The following PRIMA1 variants were observed in gnomAD, a reference collection of about 807,000 sequenced individuals.
The protein encoded by PRIMA1 is proline-rich membrane anchor 1.
PRIMA1 carries 7 observed loss-of-function variants against 17.5 expected under a neutral mutation model. The observed-to-expected ratio is 0.40, with a 90% confidence interval of 0.23 to 0.75. The LOEUF (loss-of-function observed/expected upper bound fraction) is 0.75, where lower values mean the gene tolerates loss of function less well. Among genes scored for constraint, PRIMA1 ranks in the 30% least tolerant of loss-of-function variants. The pLI, the probability that PRIMA1 is intolerant of heterozygous loss-of-function variation, is 0.37. For synonymous variants in PRIMA1, 97 were observed against 77.9 expected (o/e 1.25, Z -1.29); for missense variants, 200 against 201.8 (o/e 0.99, Z 0.05).
At chr14:93,766,705 G>T (rs1184988964) in intron 3 of PRIMA1, among the ~76,000 whole-genome samples, 4 of 151,622 alleles carry the variant, frequency 2.6e-5, no homozygotes, top group African/African-American at 7.3e-5. Context: ...AGGTGAATGA[G>T]TCCACTTATA....
chr14:93,751,639 C>A (rs2076260051), intron 3 of PRIMA1, among the ~76,000 whole-genome samples: 1 of 152,126 alleles, frequency 6.6e-6, no homozygotes, highest in Admixed American at 6.5e-5. Flanking sequence ...GAGCCTAAGT[C>A]CTGTTTAAAA....
intron 3 of PRIMA1, among the ~76,000 whole-genome samples, chr14:93,739,515 GGTGT>G (rs1454683548): frequency 1.3e-5 from 2 of 152,190 alleles, no homozygotes; most frequent in Non-Finnish European, 2.9e-5. Context: ...TGGGTTGTGT[GGTGT>G]GTGTATGATA....
At chr14:93,757,656 C>T (rs1315535600) in intron 3 of PRIMA1, among the ~76,000 whole-genome samples, 1 of 150,930 alleles carries the variant, frequency 6.6e-6, no homozygotes. Context: ...GTCGTTCAAG[C>T]TCTCTGAGTC....
chr14:93,759,743 G>A (rs555996381), intron 3 of PRIMA1, among the ~76,000 whole-genome samples: 2 of 152,202 alleles, frequency 1.3e-5, no homozygotes, highest in African/African-American at 4.8e-5. Flanking sequence ...GAGTGAGAAG[G>A]CAAGTGGCAG....
At chr14:93,754,756 C>T (rs2076280705) in intron 3 of PRIMA1, among the ~76,000 whole-genome samples, 1 of 152,168 alleles carries the variant, frequency 6.6e-6, no homozygotes, top group African/African-American at 2.4e-5. Context: ...CAGTCACTGC[C>T]ACCCACTCTT....
chr14:93,788,730 G>C (rs1885606983), upstream of PRIMA1, among the ~76,000 whole-genome samples: 1 of 151,982 alleles, frequency 6.6e-6, no homozygotes, highest in South Asian at 2.1e-4. Flanking sequence ...ACTGCGCCTA[G>C]CCGCGCGCGG....
In PRIMA1 at chr14:93,721,170, C is replaced by G; in HGVS notation, c.*274G>C. 2.2e-6 allele frequency: 1 copy of G among 445,454 alleles called. No individual in the cohort carries two copies. The allele number at this position is 445,454 out of a possible 1,614,324, so 27.6% of individuals were successfully genotyped here. A position where few individuals can be genotyped will look rare whatever the true frequency, so the allele number is the denominator to read the frequency against. ...CAGCAGCTGGGGGCAGTCGACAGAC[C>G]AGACACCAGACAGGGAGGAGGATGT... is the stretch of plus-strand genomic sequence containing the variant. On this transcript the variant is annotated 3_prime_UTR_variant, in exon 5 of 5. Transcript: ENST00000393140.
chr14:93,774,298 G>A (rs1054376389), intron 3 of PRIMA1, among the ~76,000 whole-genome samples: 16 of 152,260 alleles, frequency 1.1e-4, no homozygotes, highest in South Asian at 4.1e-4. Context: ...AGAGAGGCCC[G>A]GGCCAGCCAG....
chr14:93,762,844 C>A (rs1023557775), intron 3 of PRIMA1, among the ~76,000 whole-genome samples: 1 of 152,206 alleles, frequency 6.6e-6, no homozygotes, highest in African/African-American at 2.4e-5. Context: ...CACCCAACTT[C>A]ACTCCAGGCA....
chr14:93,746,530 G>A (rs531614039), intron 3 of PRIMA1, among the ~76,000 whole-genome samples: 2 of 152,036 alleles, frequency 1.3e-5, no homozygotes, highest in Admixed American at 6.5e-5. Flanking sequence ...AGAGGGAGTC[G>A]CGAGGGGAGA....
chr14:93,734,079 C>T (rs936091432), intron 4 of PRIMA1, among the ~76,000 whole-genome samples: 15 of 152,216 alleles, frequency 9.9e-5, no homozygotes, highest in African/African-American at 3.6e-4. Flanking sequence ...CATTAAATAT[C>T]TGTCTGCTGC....
Position 93,737,348 on chromosome 14 carries a change from G to A in PRIMA1, c.252C>T (p.Pro84=), listed in dbSNP as rs140716518. ...GCCCCGACCACCAGCTTTCCTCAGT[G>A]GGGCAAGAGGTAGAGTTGGGAGCTG... is the stretch of plus-strand genomic sequence containing the variant. ...SAPAPNSTSC[P]TEESWWSGLV... is the part of the protein sequence containing the mutation. The change falls in exon 4 of 5, where the codon CCC becomes CCT. Residue 84 remains proline (P), a synonymous_variant. Coordinates refer to ENST00000393140, the MANE Select transcript of PRIMA1 (RefSeq NM_178013.4). 3.2e-5 allele frequency: 51 copies of A among 1,613,998 alleles called. No individual in the cohort carries two copies. The African/African-American group carries it at 3.7e-4, about 12-fold the overall frequency.
intron 2 of PRIMA1, among the ~76,000 whole-genome samples, chr14:93,780,408 G>T (rs2896243): frequency 0.49 from 74,086 of 152,052 alleles, 18,444 homozygotes; most frequent in Admixed American, 0.54. Context: ...TTAAGGGAAT[G>T]CCCACCATTT....
intron 4 of PRIMA1, among the ~76,000 whole-genome samples, chr14:93,730,833 A>G (rs2076109186): frequency 6.6e-6 from 1 of 152,206 alleles, no homozygotes; most frequent in African/African-American, 2.4e-5. Flanking sequence ...TATCCATGAA[A>G]TAATCAAGCT....
At chr14:93,777,848 G>A (rs184457025) in intron 3 of PRIMA1, among the ~76,000 whole-genome samples, 1 of 152,342 alleles carries the variant, frequency 6.6e-6, no homozygotes, top group Admixed American at 6.5e-5. Flanking sequence ...GATGCTCAGT[G>A]AGCACAAGAA....
intron 3 of PRIMA1, among the ~76,000 whole-genome samples, chr14:93,753,934 CA>C (rs2076275698): frequency 6.6e-6 from 1 of 152,194 alleles, no homozygotes; most frequent in Non-Finnish European, 1.5e-5. Context: ...GAGTCACGGG[CA>C]CCGTTGCTTA....
intron 3 of PRIMA1, 84 bp from the exon 4 acceptor site, chr14:93,737,454 C>A: frequency 1.3e-6 from 2 of 1,512,484 alleles, no homozygotes; most frequent in Non-Finnish European, 1.8e-6. Flanking sequence ...ATGGGTGACA[C>A]CAACAGAGGC....
At chr14:93,744,184 C>A (rs1266069994) in intron 3 of PRIMA1, among the ~76,000 whole-genome samples, 6 of 152,202 alleles carry the variant, frequency 3.9e-5, no homozygotes, top group Non-Finnish European at 8.8e-5. Flanking sequence ...CCCCAAAGCA[C>A]CACAAAGGAC....
At chr14:93,779,515 G>A (rs1050706348) in intron 2 of PRIMA1, among the ~76,000 whole-genome samples, 2 of 152,138 alleles carry the variant, frequency 1.3e-5, no homozygotes, top group Admixed American at 1.3e-4. Context: ...TGGAGACCAA[G>A]GTTTTCTTCC....
Sources: allele counts gnomAD v4.1 joint callset (sites outside exome capture counted in the v4.1 genomes callset), GRCh38; gene constraint gnomAD v4.1.1; transcripts MANE v1.5; gene names NCBI Gene and HGNC (gene_info 2026-07-23, HGNC 2026-07-21).